Variants in SUMF1 observed in about 807,000 individuals in gnomAD.
The protein encoded by SUMF1 is sulfatase modifying factor 1, also known as formylglycine-generating enzyme.
SUMF1 carries 48 observed loss-of-function variants against 47.6 expected under a neutral mutation model. The ratio of observed to expected loss-of-function variants is 1.01; its 90% confidence interval spans 0.80 to 1.28. SUMF1 has a LOEUF of 1.28. Among genes scored for constraint, SUMF1 ranks in the 50% most tolerant of loss-of-function variants. SUMF1 has a pLI of 0.00. For missense variants in SUMF1, 571 were observed against 485.4 expected (o/e 1.18, Z -1.66); for synonymous variants, 230 against 192.1 (o/e 1.20, Z -1.63).
intron 8 of SUMF1, among the ~76,000 whole-genome samples, chr3:4,238,988 C>T (rs1696475879): frequency 6.6e-6 from 1 of 152,110 alleles, no homozygotes; most frequent in African/African-American, 2.4e-5. Context: ...CAGCTTTCTG[C>T]ATATGGCTAG....
At chr3:4,050,075 G>A (rs1695079408) in intron 9 of SUMF1, among the ~76,000 whole-genome samples, 1 of 151,898 alleles carries the variant, frequency 6.6e-6, no homozygotes, top group Non-Finnish European at 1.5e-5. Context: ...GTCTGCTTCT[G>A]GAGCCTGCAG....
chr3:4,449,191 T>G, intron 3 of SUMF1, 75 bp downstream of exon 3: 1 of 1,484,154 alleles, frequency 6.7e-7, no homozygotes, highest in Non-Finnish European at 9.4e-7. Context: ...GTGACACATG[T>G]GGTTTGGATT....
intron 8 of SUMF1, among the ~76,000 whole-genome samples, chr3:4,169,196 A>T (rs372459158): frequency 6.6e-6 from 1 of 152,206 alleles, no homozygotes; most frequent in African/African-American, 2.4e-5. Context: ...AACAGCTGCT[A>T]TTAAACTTCA....
intron 8 of SUMF1, among the ~76,000 whole-genome samples, chr3:4,266,196 T>G (rs1257950327): frequency 6.6e-6 from 1 of 152,208 alleles, no homozygotes; most frequent in African/African-American, 2.4e-5. Context: ...TGGCTTAGGA[T>G]TGACTTGGCC....
intron 8 of SUMF1, among the ~76,000 whole-genome samples, chr3:4,247,213 T>C (rs1194181422): frequency 2.0e-5 from 3 of 152,186 alleles, no homozygotes; most frequent in African/African-American, 7.2e-5. Context: ...AAGTAATTAA[T>C]TCACTATGCA....
chr3:4,434,518 C>A (rs1314219389), intron 3 of SUMF1, among the ~76,000 whole-genome samples: 1 of 152,086 alleles, frequency 6.6e-6, no homozygotes, highest in African/African-American at 2.4e-5. Context: ...TTATATCAAG[C>A]AAAGAGATAG....
intron 8 of SUMF1, among the ~76,000 whole-genome samples, chr3:4,307,839 C>T (rs1448946699): frequency 6.6e-6 from 1 of 152,096 alleles, no homozygotes; most frequent in East Asian, 1.9e-4. Context: ...GAGTTTAAGA[C>T]CACCCTTAAC....
chr3:4,423,266 A>G (rs987396993), intron 3 of SUMF1, among the ~76,000 whole-genome samples: 1 of 140,736 alleles, frequency 7.1e-6, no homozygotes, highest in Non-Finnish European at 1.5e-5. Flanking sequence ...ACAAGTGAAT[A>G]AAGAAACTGT....
intron 8 of SUMF1, among the ~76,000 whole-genome samples, chr3:4,217,065 G>T (rs894838574): frequency 6.6e-6 from 1 of 152,088 alleles, no homozygotes; most frequent in Non-Finnish European, 1.5e-5. Flanking sequence ...ACATGCACAC[G>T]TATGTTTATT....
intron 8 of SUMF1, among the ~76,000 whole-genome samples, chr3:4,221,923 A>G (rs1443116745): frequency 6.6e-6 from 1 of 151,916 alleles, no homozygotes; most frequent in African/African-American, 2.4e-5. Flanking sequence ...TCTTTTCCTT[A>G]TAACGTTTTG....
chr3:4,040,834 G>T (rs932396260), intron 9 of SUMF1, among the ~76,000 whole-genome samples: 1 of 152,148 alleles, frequency 6.6e-6, no homozygotes, highest in Non-Finnish European at 1.5e-5. Flanking sequence ...TCAGTTTGGG[G>T]TGTGAAACAT....
Position 4,223,158 on chromosome 3 carries a change from C to T in SUMF1, c.1014+153172G>A, listed in dbSNP as rs369697420. Among the ~76,000 whole-genome samples the T allele has an allele frequency of 2.5e-4, 38 of 152,244 alleles. No individual in the cohort carries two copies. In the South Asian group the frequency reaches 7.9e-3, roughly 32 times the overall value. On this transcript the variant is annotated intron_variant and NMD_transcript_variant, in intron 8 of 12. Coordinates refer to the SUMF1 transcript ENST00000448413. Reference sequence around the variant, plus strand: ...CAAATAGAATAGCTTTTACTAATAGCATCAGCTCTCTGGACAGATTTCTGG... The same window carrying T: ...CAAATAGAATAGCTTTTACTAATAGTATCAGCTCTCTGGACAGATTTCTGG...
intron 8 of SUMF1, among the ~76,000 whole-genome samples, chr3:4,259,668 A>G (rs909850043): frequency 6.6e-6 from 1 of 152,226 alleles, no homozygotes; most frequent in Non-Finnish European, 1.5e-5. Flanking sequence ...AATACCAAGC[A>G]ATGAATAATT....
At chr3:4,373,164 G>C (rs553437042) in intron 8 of SUMF1, among the ~76,000 whole-genome samples, 1 of 151,624 alleles carries the variant, frequency 6.6e-6, no homozygotes, top group South Asian at 2.1e-4. Context: ...AGCATAAGGA[G>C]AGAAAATGGG....
intron 8 of SUMF1, among the ~76,000 whole-genome samples, chr3:4,101,505 A>G (rs779143192): frequency 6.6e-6 from 1 of 152,144 alleles, no homozygotes; most frequent in Non-Finnish European, 1.5e-5. Flanking sequence ...GAAGATGGGC[A>G]GGGAAAGGTG....
chr3:4,111,885 G>A (rs1420517213), intron 8 of SUMF1, among the ~76,000 whole-genome samples: 1 of 152,062 alleles, frequency 6.6e-6, no homozygotes, highest in Admixed American at 6.6e-5. Flanking sequence ...TCATTCATTA[G>A]AATTTACTTG....
chr3:4,426,108 C>T (rs1454208748), intron 3 of SUMF1, among the ~76,000 whole-genome samples: 3 of 152,148 alleles, frequency 2.0e-5, no homozygotes, highest in Non-Finnish European at 2.9e-5. Context: ...GTTGGGGACA[C>T]AGCCAAACCA....
At chr3:4,209,895 G>T (rs766743430) in intron 8 of SUMF1, among the ~76,000 whole-genome samples, 11 of 151,650 alleles carry the variant, frequency 7.3e-5, no homozygotes, top group Non-Finnish European at 1.3e-4. Flanking sequence ...TTAAAATTTA[G>T]AAAAAAAAAT....
chr3:4,411,018 C>T, intron 6 of SUMF1, 40 bp from the exon 7 acceptor site: 1 of 1,533,722 alleles, frequency 6.5e-7, no homozygotes, highest in Non-Finnish European at 9.0e-7. Context: ...AAACTATTCA[C>T]CTGGTTTAAA....
Sources: allele counts gnomAD v4.1 joint callset (sites outside exome capture counted in the v4.1 genomes callset), GRCh38; gene constraint gnomAD v4.1.1; transcripts MANE v1.5; gene names NCBI Gene and HGNC (gene_info 2026-07-23, HGNC 2026-07-21).